GTF2F2: variants seen among roughly 807,000 people sequenced by gnomAD.
GTF2F2 encodes ATP-dependent helicase GTF2F2.
In GTF2F2, 23 loss-of-function variants were observed where a neutral mutation model predicts 42.2. That is an observed-to-expected ratio of 0.55 (90% CI 0.39 to 0.77). GTF2F2 has a LOEUF of 0.77. GTF2F2 is among the 30% of genes least tolerant of loss of function. The probability of loss-of-function intolerance (pLI) is 0.00; values close to 1 mark genes in which losing one functional copy is unlikely to be tolerated. For missense variants in GTF2F2, 261 were observed against 287.2 expected (o/e 0.91, Z 0.66); for synonymous variants, 105 against 100.8 (o/e 1.04, Z -0.25).
chr13:45,164,399 A>G (rs555093918), intron 4 of GTF2F2, among the ~76,000 whole-genome samples: 136 of 152,328 alleles, frequency 8.9e-4, no homozygotes, highest in African/African-American at 3.0e-3. Context: ...TTAAAAAGCA[A>G]TAAAACATGT....
intron 4 of GTF2F2, among the ~76,000 whole-genome samples, chr13:45,190,112 T>A (rs1246654958): frequency 6.6e-6 from 1 of 151,890 alleles, no homozygotes; most frequent in Non-Finnish European, 1.5e-5. Flanking sequence ...ATCTGACAAA[T>A]GGCTGATACC....
At chr13:45,146,271 G>A (rs1870189384) in intron 2 of GTF2F2, among the ~76,000 whole-genome samples, 1 of 152,112 alleles carries the variant, frequency 6.6e-6, no homozygotes, top group Admixed American at 6.6e-5. Flanking sequence ...CAAGGCAGGA[G>A]GATCACTTGA....
At chr13:45,254,084 AAAGAAAG>A (rs1408184182) in intron 6 of GTF2F2, among the ~76,000 whole-genome samples, 1 of 150,472 alleles carries the variant, frequency 6.6e-6, no homozygotes, top group Non-Finnish European at 1.5e-5. Flanking sequence ...AAAAAAAAAA[AAAGAAAG>A]AAGAAGAGTG....
chr13:45,228,862 G>A (rs1235057368), intron 5 of GTF2F2, among the ~76,000 whole-genome samples: 1 of 151,946 alleles, frequency 6.6e-6, no homozygotes, highest in East Asian at 1.9e-4. Flanking sequence ...TAGAGACAGG[G>A]TTTCTCCATG....
intron 4 of GTF2F2, among the ~76,000 whole-genome samples, chr13:45,171,883 CT>C (rs1337043533): frequency 5.1e-5 from 7 of 137,980 alleles, no homozygotes; most frequent in African/African-American, 2.0e-4. Context: ...TTTTTTTTTA[CT>C]TAGCATGATG....
At chr13:45,162,925 C>G (rs1871106686) in intron 4 of GTF2F2, among the ~76,000 whole-genome samples, 1 of 112,426 alleles carries the variant, frequency 8.9e-6, no homozygotes, top group Non-Finnish European at 1.7e-5. Flanking sequence ...CTCCCCACCC[C>G]CCACCCCCTA....
At chr13:45,234,963 T>C (rs1874880938) in intron 5 of GTF2F2, among the ~76,000 whole-genome samples, 1 of 138,576 alleles carries the variant, frequency 7.2e-6, no homozygotes, top group Admixed American at 8.6e-5. Context: ...GAGAATCGCC[T>C]GAACCCAGGA....
chr13:45,176,569 G>A (rs1871885997), intron 4 of GTF2F2, among the ~76,000 whole-genome samples: 4 of 152,012 alleles, frequency 2.6e-5, no homozygotes, highest in Admixed American at 2.6e-4. Context: ...TTTATTCAGT[G>A]GCTTGCCTTT....
intron 2 of GTF2F2, among the ~76,000 whole-genome samples, chr13:45,145,470 A>G (rs1005208734): frequency 1.3e-5 from 2 of 152,142 alleles, no homozygotes; most frequent in African/African-American, 4.8e-5. Context: ...TGCTGCTTCC[A>G]AGGCCTTCTC....
chr13:45,273,316 T>TC (rs1876882457), intron 7 of GTF2F2, among the ~76,000 whole-genome samples: 1 of 151,934 alleles, frequency 6.6e-6, no homozygotes, highest in Non-Finnish European at 1.5e-5. Flanking sequence ...CCTCAAGCAG[T>TC]CCTCCTGCCT....
intron 4 of GTF2F2, chr13:45,192,766 A>ACAATCAAAG (rs1872712826): frequency 6.6e-6 from 1 of 152,242 alleles, no homozygotes; most frequent in Admixed American, 6.5e-5. Context: ...GGTATTGAAA[A>ACAATCAAAG]CAATCAAAGT....
intron 6 of GTF2F2, among the ~76,000 whole-genome samples, chr13:45,259,299 G>A (rs1876233596): frequency 6.6e-6 from 1 of 152,152 alleles, no homozygotes; most frequent in Non-Finnish European, 1.5e-5. Context: ...TGTGGCACAT[G>A]CCTGTAATCC....
intron 5 of GTF2F2, among the ~76,000 whole-genome samples, chr13:45,235,100 C>CTAATAACAT (rs959711553): frequency 1.5e-5 from 2 of 133,430 alleles, no homozygotes; most frequent in Non-Finnish European, 3.2e-5. Context: ...ATTGAGAAGG[C>CTAATAACAT]TAATAACATG....
chr13:45,121,794 C>T (rs1868646725), intron 1 of GTF2F2, among the ~76,000 whole-genome samples: 1 of 152,154 alleles, frequency 6.6e-6, no homozygotes, highest in Non-Finnish European at 1.5e-5. Flanking sequence ...TCAGCCCTCG[C>T]CTTAGTCTGT....
chr13:45,225,241 T>C (rs1171406862), intron 5 of GTF2F2, among the ~76,000 whole-genome samples: 1 of 152,208 alleles, frequency 6.6e-6, no homozygotes, highest in African/African-American at 2.4e-5. Flanking sequence ...TCGGATAATA[T>C]ATGGACAAGA....
intron 5 of GTF2F2, chr13:45,220,879 G>T (rs561197340): frequency 1.3e-5 from 2 of 151,928 alleles, no homozygotes; most frequent in African/African-American, 4.8e-5. Flanking sequence ...CCTACTTACC[G>T]TCTGAACTTT....
At chr13:45,189,355 A>G (rs746854896) in intron 4 of GTF2F2, among the ~76,000 whole-genome samples, 3 of 152,188 alleles carry the variant, frequency 2.0e-5, no homozygotes, top group Admixed American at 6.5e-5. Flanking sequence ...TAGTGCCGCA[A>G]TAAACATACG....
intron 4 of GTF2F2, among the ~76,000 whole-genome samples, chr13:45,176,383 C>G (rs1871877989): frequency 6.6e-6 from 1 of 152,164 alleles, no homozygotes; most frequent in African/African-American, 2.4e-5. Flanking sequence ...TTTGATTTGA[C>G]ATCCGTCTCT....
rs1872383957 is a variant in GTF2F2, at chr13:45,185,631, T to C, written c.305-21793T>C. ...CCACAAAACTAAGTATATAAGGTAA[T>C]ATATATGTTAATTAGTTTGATTAGC... On this transcript the variant is annotated intron_variant, in intron 4 of 7. Coordinates refer to ENST00000340473, the MANE Select transcript of GTF2F2 (RefSeq NM_004128.3). 3.3e-5 allele frequency among the ~76,000 whole-genome samples: 5 copies of C among 152,328 alleles called. No individual in the cohort carries two copies. In the South Asian group the frequency reaches 1.0e-3, roughly 32 times the overall value.
Sources: gnomAD v4.1 joint callset for allele counts (sites outside exome capture counted in the v4.1 genomes callset) on GRCh38, gnomAD v4.1.1 for gene constraint, MANE v1.5 for transcripts, NCBI Gene and HGNC (gene_info 2026-07-23, HGNC 2026-07-21) for gene names.